Variants in ZRANB3 observed in about 807,000 individuals in gnomAD.
ZRANB3 encodes the protein zinc finger RANBP2-type containing 3.
A neutral mutation model predicts 133.8 loss-of-function variants in ZRANB3; 125 were observed. That is an observed-to-expected ratio of 0.93 (90% CI 0.81 to 1.08). The LOEUF (loss-of-function observed/expected upper bound fraction) is 1.08. ZRANB3 is among the 50% of genes least tolerant of loss of function. The pLI is 0.00. For missense variants in ZRANB3, 1,229 were observed against 1,275.5 expected (o/e 0.96, Z 0.56); for synonymous variants, 387 against 432.7 (o/e 0.89, Z 1.31).
At chr2:135,524,950 T>G (rs535832196) in intron 1 of ZRANB3, among the ~76,000 whole-genome samples, 1 of 152,066 alleles carries the variant, frequency 6.6e-6, no homozygotes, top group Non-Finnish European at 1.5e-5. Flanking sequence ...ATTAGATATA[T>G]AATTTTTTTA....
intron 2 of ZRANB3, among the ~76,000 whole-genome samples, chr2:135,455,090 A>G (rs1338681841): frequency 6.6e-6 from 1 of 151,932 alleles, no homozygotes. Flanking sequence ...TACACAAATG[A>G]AAACTATCTT....
At chr2:135,374,038 G>T (rs1686306711) in intron 3 of ZRANB3, among the ~76,000 whole-genome samples, 1 of 152,076 alleles carries the variant, frequency 6.6e-6, no homozygotes, top group Non-Finnish European at 1.5e-5. Flanking sequence ...AATTGGTAAA[G>T]ATTACAACAA....
intron 2 of ZRANB3, among the ~76,000 whole-genome samples, chr2:135,456,607 T>C (rs1298993363): frequency 1.3e-5 from 2 of 152,164 alleles, no homozygotes; most frequent in Non-Finnish European, 2.9e-5. Context: ...AAAGTAGTTC[T>C]CATTCATCCC....
intron 2 of ZRANB3, among the ~76,000 whole-genome samples, chr2:135,456,730 T>A (rs1690535904): frequency 1.3e-5 from 2 of 152,126 alleles, no homozygotes; most frequent in Admixed American, 1.3e-4. Flanking sequence ...GCCCAAAGAA[T>A]TTTTTACGTG....
intron 3 of ZRANB3, among the ~76,000 whole-genome samples, chr2:135,383,949 C>A (rs946695637): frequency 2.6e-5 from 4 of 151,996 alleles, no homozygotes; most frequent in Non-Finnish European, 5.9e-5. Context: ...GAAGCAAAAG[C>A]GAACACATTC....
chr2:135,233,291 T>C (rs937117175), intron 12 of ZRANB3, among the ~76,000 whole-genome samples: 3 of 152,046 alleles, frequency 2.0e-5, no homozygotes, highest in Non-Finnish European at 2.9e-5. Context: ...TATGGGACCA[T>C]GTGAAAAGAT....
chr2:135,419,485 G>T (rs1688741814), intron 2 of ZRANB3, among the ~76,000 whole-genome samples: 1 of 151,988 alleles, frequency 6.6e-6, no homozygotes, highest in Non-Finnish European at 1.5e-5. Flanking sequence ...TTTGGAAATA[G>T]GCACTGAAAT....
intron 2 of ZRANB3, among the ~76,000 whole-genome samples, chr2:135,421,714 T>C (rs1574079565): frequency 6.6e-6 from 1 of 152,126 alleles, no homozygotes; most frequent in Non-Finnish European, 1.5e-5. Context: ...AACCATTTTT[T>C]AATGATGTTT....
intron 3 of ZRANB3, among the ~76,000 whole-genome samples, chr2:135,389,876 CTTTTTT>C (rs1165827390): frequency 9.8e-6 from 1 of 102,334 alleles, no homozygotes; most frequent in Non-Finnish European, 1.9e-5. Flanking sequence ...TGCTGTTATT[CTTTTTT>C]TTTTTTTTTT....
intron 2 of ZRANB3, among the ~76,000 whole-genome samples, chr2:135,487,490 A>G (rs1692176073): frequency 6.6e-6 from 1 of 152,242 alleles, no homozygotes; most frequent in Admixed American, 6.5e-5. Context: ...TTCATCCAAT[A>G]GAAGCCTGTT....
chr2:135,268,227 C>T lies in ZRANB3; in HGVS notation c.1386+735G>A, dbSNP rs1044085081. On this transcript the variant is annotated intron_variant, in intron 11 of 20. Transcript: ENST00000264159. ...CTGGAGTGCAATTGTTGCAATGGTG[C>T]GATCTTAGCTCACTGCAACCTCCAC... Among the ~76,000 whole-genome samples, 3 of 151,810 alleles carry T rather than the reference C, an allele frequency of 2.0e-5. No homozygotes were observed. In the East Asian group the frequency reaches 5.8e-4, roughly 29 times the overall value.
At chr2:135,359,859 G>C (rs1442273129) in intron 3 of ZRANB3, among the ~76,000 whole-genome samples, 1 of 152,122 alleles carries the variant, frequency 6.6e-6, no homozygotes, top group Non-Finnish European at 1.5e-5. Context: ...TCAATACAAA[G>C]TGAAACATTT....
intron 12 of ZRANB3, among the ~76,000 whole-genome samples, chr2:135,233,963 T>C (rs889956110): frequency 2.0e-5 from 3 of 152,166 alleles, no homozygotes; most frequent in African/African-American, 7.2e-5. Flanking sequence ...TAAATGTAAA[T>C]GGGCTAAATG....
At chr2:135,294,649 T>G (rs549614232) in intron 8 of ZRANB3, among the ~76,000 whole-genome samples, 22 of 152,324 alleles carry the variant, frequency 1.4e-4, no homozygotes, top group African/African-American at 5.0e-4. Context: ...CTTTTGAATG[T>G]GTTTGCTCTT....
intron 12 of ZRANB3, among the ~76,000 whole-genome samples, chr2:135,260,278 G>A (rs1424720996): frequency 6.6e-6 from 1 of 152,148 alleles, no homozygotes; most frequent in Non-Finnish European, 1.5e-5. Flanking sequence ...AAAGGAAGAA[G>A]CAGTGGAAAT....
At chr2:135,249,711 C>T (rs573220762) in intron 12 of ZRANB3, among the ~76,000 whole-genome samples, 3 of 152,266 alleles carry the variant, frequency 2.0e-5, no homozygotes, top group South Asian at 2.1e-4. Flanking sequence ...CACGGGTTTC[C>T]GCTTTTGCTT....
At chr2:135,291,045 A>G (rs1485541438) in intron 8 of ZRANB3, among the ~76,000 whole-genome samples, 2 of 152,054 alleles carry the variant, frequency 1.3e-5, no homozygotes, top group African/African-American at 4.8e-5. Flanking sequence ...TATTTTTACT[A>G]GAGATGGGGT....
At chr2:135,401,263 C>A (rs1199671679) in intron 2 of ZRANB3, among the ~76,000 whole-genome samples, 4 of 149,974 alleles carry the variant, frequency 2.7e-5, no homozygotes, top group Non-Finnish European at 4.4e-5. Flanking sequence ...ATTATGAGAG[C>A]AAATATGAAG....
chr2:135,509,056 T>C (rs548034027), intron 1 of ZRANB3, among the ~76,000 whole-genome samples: 4 of 152,174 alleles, frequency 2.6e-5, no homozygotes, highest in African/African-American at 7.2e-5. Context: ...AAAAATTTTC[T>C]TCCAGAAATA....
Sources: gnomAD v4.1 joint callset for allele counts (sites outside exome capture counted in the v4.1 genomes callset) on GRCh38, gnomAD v4.1.1 for gene constraint, MANE v1.5 for transcripts, NCBI Gene and HGNC (gene_info 2026-07-23, HGNC 2026-07-21) for gene names.